Variants in CUL2 observed in about 807,000 individuals in gnomAD.
CUL2 encodes cullin-2.
In CUL2, 22 loss-of-function variants were observed where a neutral mutation model predicts 110.2. The observed-to-expected ratio is 0.20, with a 90% CI of 0.14 to 0.28. CUL2 has a LOEUF of 0.28. CUL2 is among the 10% of genes least tolerant of loss of function. The pLI is 1.00. For synonymous variants in CUL2, 279 were observed against 293.2 expected (o/e 0.95, Z 0.49); for missense variants, 631 against 905.5 (o/e 0.70, Z 3.89).
At chr10:35,071,958 G>T (rs1465059470) in intron 1 of CUL2, among the ~76,000 whole-genome samples, 1 of 152,072 alleles carries the variant, frequency 6.6e-6, no homozygotes, top group Non-Finnish European at 1.5e-5. Context: ...AAAGAAACGG[G>T]GACCCACTTA....
In CUL2 at chr10:35,049,676, C is replaced by G. The variant is rs145366778; in HGVS notation, c.506+7G>C. On this transcript the variant is annotated splice_region_variant and intron_variant, in intron 6 of 20. Coordinates refer to ENST00000374749, the MANE Select transcript of CUL2 (RefSeq NM_003591.4). ...ATTGACTCAGTAAGATAAATGTCAG[C>G]ACTCACTTTTTGATTTCTCGGAGCA... The G allele has an allele frequency of 8.1e-3, 12,975 of 1,607,258 alleles. 93 individuals carry two copies. The highest frequency in any genetic ancestry group is 8.7e-3 in the Non-Finnish European group (10,178 of 1,174,572).
intron 17 of CUL2, among the ~76,000 whole-genome samples, chr10:35,023,608 GC>G (rs1344114537): frequency 6.6e-6 from 1 of 152,012 alleles, no homozygotes; most frequent in Non-Finnish European, 1.5e-5. Flanking sequence ...GTTAAAATGA[GC>G]CCCTTACTAA....
At chr10:35,068,096 C>T (rs1276122467) in intron 2 of CUL2, among the ~76,000 whole-genome samples, 1 of 135,682 alleles carries the variant, frequency 7.4e-6, no homozygotes. Context: ...GGCGACAGAG[C>T]GAGACTCCGT....
At chr10:35,071,109 G>A (rs1184022980) in intron 2 of CUL2, 90 bp downstream of exon 2, 8 of 1,279,678 alleles carry the variant, frequency 6.3e-6, no homozygotes, top group Non-Finnish European at 8.8e-6. Context: ...AGTTACATGG[G>A]AAAGTTCTTC....
chr10:35,067,171 A>G (rs2086553930), intron 2 of CUL2, among the ~76,000 whole-genome samples: 1 of 151,804 alleles, frequency 6.6e-6, no homozygotes. Flanking sequence ...AATGAAGACA[A>G]CAGTATGCCT....
chr10:35,026,938 C>T (rs764095679), intron 16 of CUL2, among the ~76,000 whole-genome samples: 1 of 151,956 alleles, frequency 6.6e-6, no homozygotes, highest in Non-Finnish European at 1.5e-5. Flanking sequence ...CACCCACTAA[C>T]TCGTCATTTA....
At chr10:35,040,455 T>A (rs2085755400) in intron 8 of CUL2, among the ~76,000 whole-genome samples, 1 of 152,204 alleles carries the variant, frequency 6.6e-6, no homozygotes, top group South Asian at 2.1e-4. Context: ...GGGAACTACA[T>A]ACACCTGGCA....
intron 1 of CUL2, among the ~76,000 whole-genome samples, chr10:35,110,140 AC>A (rs2087508266): frequency 6.6e-6 from 1 of 152,186 alleles, no homozygotes; most frequent in Non-Finnish European, 1.5e-5. Flanking sequence ...TGCCATTGCA[AC>A]ACAGCAAGAT....
At chr10:35,110,085 G>A (rs1486690162) in intron 1 of CUL2, among the ~76,000 whole-genome samples, 1 of 152,126 alleles carries the variant, frequency 6.6e-6, no homozygotes, top group Non-Finnish European at 1.5e-5. Flanking sequence ...TGAGTTAGGA[G>A]GATCACTTGA....
chr10:35,084,717 A>G (rs1392522498), intron 1 of CUL2, among the ~76,000 whole-genome samples: 1 of 152,234 alleles, frequency 6.6e-6, no homozygotes, highest in Non-Finnish European at 1.5e-5. Flanking sequence ...TATAAATCTC[A>G]TAACATTCCA....
At position 35,049,674 on chromosome 10, in the gene CUL2, A is replaced by G. The variant is rs777064038; in HGVS notation, c.506+9T>C. 6 of 1,607,096 alleles carry G rather than the reference A, an allele frequency of 3.7e-6. No homozygotes were observed. The highest frequency in any genetic ancestry group is 5.1e-6 in the Non-Finnish European group (6 of 1,174,300). ...AAATTGACTCAGTAAGATAAATGTC[A>G]GCACTCACTTTTTGATTTCTCGGAG... On this transcript the variant is annotated intron_variant, in intron 6 of 20. Transcript: ENST00000374749.
intron 6 of CUL2, among the ~76,000 whole-genome samples, chr10:35,049,116 T>C (rs1265614019): frequency 6.6e-6 from 1 of 152,204 alleles, no homozygotes; most frequent in Non-Finnish European, 1.5e-5. Flanking sequence ...GATGTTCTAT[T>C]CTAGACTCCA....
At chr10:35,106,424 A>C (rs938090459) in intron 1 of CUL2, among the ~76,000 whole-genome samples, 17 of 150,758 alleles carry the variant, frequency 1.1e-4, no homozygotes, top group Non-Finnish European at 2.1e-4. Flanking sequence ...GGTTCACGCC[A>C]TTCTCCTGCC....
At chr10:35,053,084 AAAATC>A (rs1184641421) in intron 5 of CUL2, among the ~76,000 whole-genome samples, 1 of 152,178 alleles carries the variant, frequency 6.6e-6, no homozygotes, top group Non-Finnish European at 1.5e-5. Context: ...TTTGAAAAAT[AAAATC>A]AAAACTGCTG....
intron 2 of CUL2, among the ~76,000 whole-genome samples, chr10:35,069,611 G>A (rs1000173906): frequency 6.6e-6 from 1 of 151,290 alleles, no homozygotes; most frequent in Non-Finnish European, 1.5e-5. Flanking sequence ...AATAACATCA[G>A]AGAAATAACA....
chr10:35,115,837 G>A (rs928667599), intron 1 of CUL2, among the ~76,000 whole-genome samples: 4 of 152,152 alleles, frequency 2.6e-5, no homozygotes, highest in Admixed American at 2.0e-4. Flanking sequence ...AGGCTGAAGT[G>A]AGCCGAGATT....
At chr10:35,038,838 G>T (rs2384284) in intron 9 of CUL2, 82 bp downstream of exon 9, 118,457 of 754,704 alleles carry the variant, frequency 0.16, 10,220 homozygotes, top group South Asian at 0.2. Context: ...TACTAAAATA[G>T]GCATTAAATC....
chr10:35,107,095 C>T (rs1337496968), intron 1 of CUL2, among the ~76,000 whole-genome samples: 1 of 152,122 alleles, frequency 6.6e-6, no homozygotes, highest in Admixed American at 6.6e-5. Flanking sequence ...CTGCCTCAGC[C>T]TCCCGAGTAG....
intron 2 of CUL2, 129 bp from the exon 3 acceptor site, chr10:35,063,191 C>T (rs2086427533): frequency 3.5e-6 from 2 of 574,250 alleles, no homozygotes; most frequent in African/African-American, 1.9e-5. Context: ...ATACATAATA[C>T]TGTTGTATAT....
Sources: gnomAD v4.1 joint callset for allele counts (sites outside exome capture counted in the v4.1 genomes callset) on GRCh38, gnomAD v4.1.1 for gene constraint, MANE v1.5 for transcripts, NCBI Gene and HGNC (gene_info 2026-07-23, HGNC 2026-07-21) for gene names.